The following ALDH7A1 variants were observed in gnomAD, a reference collection of about 807,000 sequenced individuals.
The protein encoded by ALDH7A1 is alpha-aminoadipic semialdehyde dehydrogenase.
A neutral mutation model predicts 79.9 loss-of-function variants in ALDH7A1; 63 were observed. That is an observed-to-expected ratio of 0.79 (90% CI 0.64 to 0.97). The LOEUF (loss-of-function observed/expected upper bound fraction) is 0.97, where lower values mean the gene tolerates loss of function less well. Among genes scored for constraint, ALDH7A1 ranks in the 50% least tolerant of loss-of-function variants. The pLI, the probability that ALDH7A1 is intolerant of heterozygous loss-of-function variation, is 0.00. For synonymous variants in ALDH7A1, 240 were observed against 231.2 expected, an observed-to-expected ratio of 1.04 and a Z score of -0.34; for missense variants, 627 against 665.2, an observed-to-expected ratio of 0.94 and a Z score of 0.63.
Position 126,544,488 on chromosome 5 carries a change from AT to A in ALDH7A1, c.*476del. The A allele has an allele frequency of 5.1e-6, 1 of 197,962 alleles. No individual in the cohort carries two copies. Among genetic ancestry groups the A allele is most frequent in the East Asian group, 1.3e-4 (1 of 7,614 alleles). 12.3% of individuals were successfully genotyped at this position (197,962 alleles called of 1,614,324 possible). On this transcript the variant is annotated 3_prime_UTR_variant, in exon 18 of 18. Coordinates refer to ENST00000409134, the MANE Select transcript of ALDH7A1 (RefSeq NM_001182.5). ...AACTGTGGTCCAAGCATACAGGGGAATGCATCCCCCTTTCAATCACACGACA... is the reference window on the plus strand; with the variant it reads ...AACTGTGGTCCAAGCATACAGGGGAAGCATCCCCCTTTCAATCACACGACA...
intron 13 of ALDH7A1, 143 bp from the exon 14 acceptor site, chr5:126,552,280 A>T: frequency 1.5e-6 from 1 of 665,430 alleles, no homozygotes; most frequent in East Asian, 2.7e-5. Context: ...AATAACTTCC[A>T]ATCATGAAAG....
chr5:126,547,876 C>T (rs1749845154), intron 16 of ALDH7A1, among the ~76,000 whole-genome samples: 1 of 151,926 alleles, frequency 6.6e-6, no homozygotes, highest in Non-Finnish European at 1.5e-5. Flanking sequence ...ATGGTGAAAC[C>T]CCATCTCTAC....
chr5:126,587,514 C>A (rs1001747486), intron 3 of ALDH7A1: 6 of 151,664 alleles, frequency 4.0e-5, no homozygotes, highest in African/African-American at 1.5e-4. Flanking sequence ...ACCTGTAATC[C>A]CAGCTACTTG....
At chr5:126,582,807 T>C in intron 5 of ALDH7A1, 44 bp downstream of exon 5, 20 of 1,609,834 alleles carry the variant, frequency 1.2e-5, no homozygotes, top group Non-Finnish European at 1.7e-5. Flanking sequence ...TGGAGCTCTG[T>C]ATATCAGAGT....
rs1006865875 is a variant in ALDH7A1 at position 126,594,607 on chromosome 5, G to A, written c.192+400C>T. Among the ~76,000 whole-genome samples, 16 of 151,818 alleles carry A rather than the reference G, an allele frequency of 1.1e-4. 1 individual carries two copies. The highest frequency in any genetic ancestry group is 1.1e-3 in the Admixed American group (16 of 15,236). On this transcript the variant is annotated intron_variant, in intron 1 of 17. Transcript: ENST00000409134. ...TTACAGGCATGCGCCACCACGCCCG[G>A]CTATTTTGTATTTTTTTTAGTAGAG...
chr5:126,570,574 G>C, intron 8 of ALDH7A1: 1 of 576,414 alleles, frequency 1.7e-6, no homozygotes, highest in South Asian at 1.9e-5. Context: ...TAGTACCTCT[G>C]GGCAATTAAA....
Position 126,556,067 on chromosome 5 carries a change from T to A in ALDH7A1, c.1009-52A>T, listed in dbSNP as rs770131057. On this transcript the variant is annotated intron_variant, in intron 11 of 17. Coordinates refer to ENST00000409134, the MANE Select transcript of ALDH7A1 (RefSeq NM_001182.5). ...ATAGTATGATAAATGCACACATTTT[T>A]AAACAATGAATAATTTCCTTGATAG... 7.2e-6 allele frequency: 9 copies of A among 1,250,534 alleles called. No homozygotes were observed. The South Asian group carries it at 1.1e-4, about 15-fold the overall frequency. The allele number at this position is 1,250,534 out of a possible 1,614,324, so 77.5% of individuals were successfully genotyped here. A position where few individuals can be genotyped will look rare whatever the true frequency, so the allele number is the denominator to read the frequency against.
Position 126,550,301 on chromosome 5 carries a change from G to A in ALDH7A1, c.1318-8C>T, listed in dbSNP as rs779379602. 1.9e-6 allele frequency: 3 copies of A among 1,588,462 alleles called. No individual in the cohort carries two copies. Among genetic ancestry groups the A allele is most frequent in the South Asian group, 1.1e-5 (1 of 90,582 alleles). ...AAAGACCTCTTCTTCATTCTAAAAG[G>A]AGAGACATTGGAAGCTGTAAGATGT... On this transcript the variant is annotated splice_polypyrimidine_tract_variant and splice_region_variant and intron_variant, in intron 14 of 17. Transcript: ENST00000409134.
chr5:126,545,613 C>A (rs997095330), intron 17 of ALDH7A1, among the ~76,000 whole-genome samples: 2 of 148,422 alleles, frequency 1.3e-5, no homozygotes, highest in Middle Eastern at 3.4e-3. Context: ...TGGTGAAACC[C>A]GGTCTCTACT....
At chr5:126,565,394 C>CAAAA (rs1162552475) in intron 9 of ALDH7A1, among the ~76,000 whole-genome samples, 8 of 63,350 alleles carry the variant, frequency 1.3e-4, no homozygotes, top group African/African-American at 5.4e-4. Flanking sequence ...GATTCCATCT[C>CAAAA]AAAAAAAAAA....
At chr5:126,587,700 T>C (rs1751400247) in intron 3 of ALDH7A1, 1 of 151,866 alleles carries the variant, frequency 6.6e-6, no homozygotes, top group East Asian at 1.9e-4. Flanking sequence ...TGGTTTGTCC[T>C]AACACAGTCA....
intron 16 of ALDH7A1, among the ~76,000 whole-genome samples, chr5:126,548,894 TAA>T (rs33926729): frequency 0.29 from 27,364 of 93,274 alleles, 3,771 homozygotes; most frequent in Middle Eastern, 0.33. Flanking sequence ...GGCCTGTTTC[TAA>T]AAAAAAAAAA....
rs1751225927 is a variant in ALDH7A1, at chr5:126,582,946, A to G, written c.422T>C (p.Val141Ala). ...LVSLEMGKIL[V>A]EGVGEVQEYV... ...CTCCTGAACTTCACCCACACCTTCC[A>G]CTAAGATTTTCCCCATCTCCAAAGA... Residue 141 changes from valine (V) to alanine (A), a missense_variant, in exon 5 of 18, where the codon GTG (valine) becomes GCG (alanine). Coordinates refer to ENST00000409134, the MANE Select transcript of ALDH7A1 (RefSeq NM_001182.5). 1.2e-6 allele frequency: 2 copies of G among 1,613,972 alleles called. No homozygotes were observed. Among genetic ancestry groups the G allele is most frequent in the East Asian group, 4.5e-5 (2 of 44,832 alleles).
chr5:126,575,434 A>G lies in ALDH7A1; in HGVS notation c.681T>C (p.Ser227=). Residue 227 remains serine (S), a synonymous_variant, in exon 7 of 18, where the codon AGT becomes AGC. Coordinates refer to ENST00000409134, the MANE Select transcript of ALDH7A1 (RefSeq NM_001182.5). ...CATGTACTTACTTTGTGACAGCCAC[A>G]CTAATGAGGGAAGTGGTTGGAGCTC... ...WKGAPTTSLI[S]VAVTKIIAKV... The G allele has an allele frequency of 6.2e-7, 1 of 1,613,318 alleles. No individual in the cohort carries two copies. Among genetic ancestry groups the G allele is most frequent in the Non-Finnish European group, 8.5e-7 (1 of 1,179,684 alleles).
Position 126,554,305 on chromosome 5 carries a change from T to C in ALDH7A1, c.1182A>G (p.Thr394=). 2 of 1,614,104 alleles carry C rather than the reference T, an allele frequency of 1.2e-6. No homozygotes were observed. The highest frequency in any genetic ancestry group is 1.3e-5 in the African/African-American group (1 of 75,036). ...AVEEAKKEGG[T]VVYGGKVMDR... ...CCCTTACCTTGCCCCCATAGACCACTGTGCCACCTTCTTTCTTTGCTTCTT... is the reference window on the plus strand; with the variant it reads ...CCCTTACCTTGCCCCCATAGACCACCGTGCCACCTTCTTTCTTTGCTTCTT... Residue 394 remains threonine (T), a synonymous_variant, in exon 13 of 18, where the codon ACA becomes ACG. Coordinates refer to ENST00000409134, the MANE Select transcript of ALDH7A1 (RefSeq NM_001182.5).
chr5:126,560,241 G>A (rs1750359002), intron 10 of ALDH7A1, among the ~76,000 whole-genome samples: 1 of 152,186 alleles, frequency 6.6e-6, no homozygotes, highest in Non-Finnish European at 1.5e-5. Context: ...GGAGGCCAAG[G>A]CAGGCGGATC....
intron 11 of ALDH7A1, among the ~76,000 whole-genome samples, chr5:126,558,136 C>T (rs1356650607): frequency 5.6e-5 from 7 of 125,524 alleles, no homozygotes; most frequent in Non-Finnish European, 7.9e-5. Context: ...CACTACACTC[C>T]AACCTGGGCA....
intron 9 of ALDH7A1, among the ~76,000 whole-genome samples, chr5:126,566,641 A>G (rs1750592728): frequency 6.6e-6 from 1 of 152,208 alleles, no homozygotes; most frequent in Non-Finnish European, 1.5e-5. Flanking sequence ...AGTACAGTAT[A>G]CAAAGCTATG....
intron 3 of ALDH7A1, among the ~76,000 whole-genome samples, chr5:126,589,318 T>C (rs1751462279): frequency 6.6e-6 from 1 of 151,902 alleles, no homozygotes; most frequent in South Asian, 2.1e-4. Flanking sequence ...CCACCATGCC[T>C]GGCTAATTTT....
Sources: allele counts gnomAD v4.1 joint callset (sites outside exome capture counted in the v4.1 genomes callset), GRCh38; gene constraint gnomAD v4.1.1; transcripts MANE v1.5; gene names NCBI Gene and HGNC (gene_info 2026-07-23, HGNC 2026-07-21).